Variants in COTL1 observed in about 807,000 individuals in gnomAD.
The protein encoded by COTL1 is coactosin like F-actin binding protein 1.
In COTL1, 15 loss-of-function variants were observed where a neutral mutation model predicts 16.5. That is an observed-to-expected ratio of 0.91 (90% CI 0.61 to 1.40). The LOEUF (loss-of-function observed/expected upper bound fraction) is 1.40, where lower values mean the gene tolerates loss of function less well. Ranked by LOEUF, COTL1 falls within the 40% of genes most tolerant of loss-of-function variation. The pLI, the probability that COTL1 is intolerant of heterozygous loss-of-function variation, is 0.00. For synonymous variants in COTL1, 112 were observed against 85.3 expected, an observed-to-expected ratio of 1.31 and a Z score of -1.73; for missense variants, 220 against 201.5, an observed-to-expected ratio of 1.09 and a Z score of -0.56.
intron 2 of COTL1, chr16:84,596,479 G>A (rs1243282303): frequency 6.6e-6 from 1 of 152,226 alleles, no homozygotes; most frequent in Non-Finnish European, 1.5e-5. Context: ...AATCATTGCT[G>A]ATTTTTGACC....
intron 3 of COTL1, among the ~76,000 whole-genome samples, chr16:84,571,112 T>A (rs1165639610): frequency 1.3e-5 from 2 of 152,032 alleles, no homozygotes; most frequent in African/African-American, 4.8e-5. Flanking sequence ...CCTCCAGGGG[T>A]GGGCTGAAGA....
Position 84,618,049 on chromosome 16 carries a change from C to A in COTL1, c.-135G>T. 2 of 326,018 alleles carry A rather than the reference C, an allele frequency of 6.1e-6. No homozygotes were observed. Among genetic ancestry groups the A allele is most frequent in the Admixed American group, 6.2e-5 (1 of 16,214 alleles). 20.2% of individuals were successfully genotyped at this position (326,018 alleles called of 1,614,324 possible). A position where few individuals can be genotyped will look rare whatever the true frequency, so the allele number is the denominator to read the frequency against. On this transcript the variant is annotated 5_prime_UTR_variant, in exon 1 of 4. Transcript: ENST00000262428. ...GGTGGCGACGGCTACGCGGCGCCTGCAAGCTGCGAGCGCGGCGGCGGCTTC... is the reference window on the plus strand; with the variant it reads ...GGTGGCGACGGCTACGCGGCGCCTGAAAGCTGCGAGCGCGGCGGCGGCTTC...
At chr16:84,616,072 G>A (rs1434727039) in intron 2 of COTL1, 1 of 152,198 alleles carries the variant, frequency 6.6e-6, no homozygotes, top group Non-Finnish European at 1.5e-5. Flanking sequence ...GCACTGTTCT[G>A]AGCATTTTAT....
rs905508671 is a variant in COTL1, at chr16:84,590,043, C to G, written c.318+62G>C. 1 of 1,543,530 alleles carries G rather than the reference C, an allele frequency of 6.5e-7. No homozygotes were observed. Among genetic ancestry groups the G allele is most frequent in the East Asian group, 2.3e-5 (1 of 43,848 alleles). On this transcript the variant is annotated intron_variant, in intron 3 of 3. Coordinates refer to ENST00000262428, the MANE Select transcript of COTL1 (RefSeq NM_021149.5). The surrounding 1 kb of genome is among the most constrained non-coding windows in gnomAD (Gnocchi z 5.5). ...CCAGGAGTCGAACCCAGCCCTCTCC[C>G]TCCTTGCAGGATGGTGACCCTTGGC...
intron 2 of COTL1, among the ~76,000 whole-genome samples, chr16:84,615,472 A>G (rs1055030254): frequency 6.6e-6 from 1 of 152,104 alleles, no homozygotes; most frequent in African/African-American, 2.4e-5. Context: ...ATCCCCTTCT[A>G]CTTGCTGGAG....
At chr16:84,568,132 G>A (rs947837240) in intron 3 of COTL1, 3 of 152,160 alleles carry the variant, frequency 2.0e-5, no homozygotes, top group Admixed American at 6.5e-5. Flanking sequence ...CAAGTAGCTC[G>A]AACTACAGGC....
intron 3 of COTL1, among the ~76,000 whole-genome samples, chr16:84,583,879 G>C (rs951090214): frequency 1.3e-5 from 2 of 152,102 alleles, no homozygotes; most frequent in South Asian, 2.1e-4. Flanking sequence ...GTTGTCCTCT[G>C]TTCCTGAAAG....
intron 3 of COTL1, chr16:84,568,294 G>A (rs1416405440): frequency 5.3e-5 from 8 of 152,190 alleles, no homozygotes; most frequent in Non-Finnish European, 4.4e-5. Flanking sequence ...CACCACGCCC[G>A]GCTAACCACA....
chr16:84,580,499 C>A (rs1403364624), intron 3 of COTL1, among the ~76,000 whole-genome samples: 3 of 152,222 alleles, frequency 2.0e-5, no homozygotes, highest in African/African-American at 4.8e-5. Context: ...AATCCTCCCA[C>A]TTCAGCTCCC....
At chr16:84,567,110 G>A (rs2617857) in intron 3 of COTL1, 155 bp from the exon 4 acceptor site, 1 of 589,474 alleles carries the variant, frequency 1.7e-6, no homozygotes, top group Non-Finnish European at 3.1e-6. Flanking sequence ...TGGAAATTCA[G>A]CAGCAGAGTC....
chr16:84,605,652 G>A (rs994346056), intron 2 of COTL1, among the ~76,000 whole-genome samples: 1 of 152,188 alleles, frequency 6.6e-6, no homozygotes, highest in African/African-American at 2.4e-5. Flanking sequence ...GACAGAGGAA[G>A]TGGCCACAAG....
chr16:84,606,257 G>C (rs1433675820), intron 2 of COTL1, among the ~76,000 whole-genome samples: 1 of 152,254 alleles, frequency 6.6e-6, no homozygotes, highest in East Asian at 1.9e-4. Context: ...CCTGGGGCCA[G>C]AGCAGTCACA....
chr16:84,592,623 G>C lies in COTL1; in HGVS notation c.161-2361C>G, dbSNP rs558860025. On this transcript the variant is annotated intron_variant, in intron 2 of 3. Coordinates refer to ENST00000262428, the MANE Select transcript of COTL1 (RefSeq NM_021149.5). ...TAAAAAAAAAAAAAAAAATCAATCT[G>C]CGTTTCTTCCTAGAATCTAAGTACG... 1.3e-4 allele frequency among the ~76,000 whole-genome samples: 20 copies of C among 149,940 alleles called. 1 individual carries two copies. The South Asian group carries it at 4.0e-3, about 30-fold the overall frequency.
chr16:84,594,866 C>G (rs1904958596), intron 2 of COTL1: 1 of 153,070 alleles, frequency 6.5e-6, no homozygotes, highest in African/African-American at 2.4e-5. Flanking sequence ...TCCCACGGCT[C>G]TGGCTGGCTC....
chr16:84,617,539 T>C lies in COTL1; in HGVS notation c.122A>G (p.Gln41Arg). The C allele has an allele frequency of 6.4e-7, 1 of 1,558,016 alleles. No individual in the cohort carries two copies. The highest frequency in any genetic ancestry group is 8.7e-7 in the Non-Finnish European group (1 of 1,150,250). The change falls in exon 2 of 4, where the codon CAG becomes CGG. Residue 41 changes from glutamine to arginine, a missense_variant. Transcript: ENST00000262428. ...GATGAAGTGCTGGTACTCCGCTCCC[T>C]GCTCGCCGGGGACGATGGTGGAGCC... ...YDGSTIVPGE[Q>R]GAEYQHFIQQ...
chr16:84,591,842 T>TAAAAC (rs61337836), intron 2 of COTL1, among the ~76,000 whole-genome samples: 1 of 146,884 alleles, frequency 6.8e-6, no homozygotes, highest in Non-Finnish European at 1.5e-5. Context: ...TAAAATAAAA[T>TAAAAC]AAAATAAAAT....
chr16:84,609,411 T>C (rs982479718), intron 2 of COTL1, among the ~76,000 whole-genome samples: 3 of 152,192 alleles, frequency 2.0e-5, no homozygotes, highest in South Asian at 4.1e-4. Flanking sequence ...CCTGGAGGCA[T>C]AGCAGGCCAG....
chr16:84,602,581 G>A lies in COTL1; in HGVS notation c.161-12319C>T, dbSNP rs560001501. Among the ~76,000 whole-genome samples the A allele has an allele frequency of 2.0e-5, 3 of 151,844 alleles. No individual in the cohort carries two copies. The East Asian group carries it at 5.8e-4, about 30-fold the overall frequency. ...TTAATAAAAGCACATGTGGCCAGACGCAGTGGCTCATGCCTGTAATCCCAG... is the reference window on the plus strand; with the variant it reads ...TTAATAAAAGCACATGTGGCCAGACACAGTGGCTCATGCCTGTAATCCCAG... On this transcript the variant is annotated intron_variant, in intron 2 of 3. Transcript: ENST00000262428.
At chr16:84,601,012 G>C (rs893238345) in intron 2 of COTL1, among the ~76,000 whole-genome samples, 19 of 149,588 alleles carry the variant, frequency 1.3e-4, no homozygotes, top group Non-Finnish European at 2.7e-4. Context: ...CTGACTTAGA[G>C]AAGAGTGGCT....
Sources: gnomAD v4.1 joint callset for allele counts (sites outside exome capture counted in the v4.1 genomes callset) on GRCh38, gnomAD v4.1.1 for gene constraint, Gnocchi (gnomAD v3.1) non-coding constraint, MANE v1.5 for transcripts, NCBI Gene and HGNC (gene_info 2026-07-23, HGNC 2026-07-21) for gene names.